Variants in VWF observed in about 807,000 individuals in gnomAD.
VWF encodes the protein Factor VIII related antigen.
VWF carries 176 observed loss-of-function variants against 308.6 expected under a neutral mutation model. That is an observed-to-expected ratio of 0.57 (90% CI 0.50 to 0.65). The LOEUF (loss-of-function observed/expected upper bound fraction) is 0.65. Ranked by LOEUF, VWF falls within the 30% of genes least tolerant of loss-of-function variation. The pLI is 0.00. For synonymous variants in VWF, 1,385 were observed against 1,443.4 expected, an observed-to-expected ratio of 0.96 and a Z score of 0.92; for missense variants, 3,146 against 3,648.2, an observed-to-expected ratio of 0.86 and a Z score of 3.55.
intron 5 of VWF, among the ~76,000 whole-genome samples, chr12:6,109,546 A>G (rs1945281397): frequency 6.6e-6 from 1 of 152,226 alleles, no homozygotes; most frequent in Non-Finnish European, 1.5e-5. Context: ...GTTGGGTCAT[A>G]AGGAAGAAAG....
chr12:6,074,708 C>G (rs998363176), intron 7 of VWF, among the ~76,000 whole-genome samples: 32 of 152,084 alleles, frequency 2.1e-4, no homozygotes, highest in Admixed American at 1.9e-3. Flanking sequence ...CTTTTAATCA[C>G]TGGAAGGGCT....
At chr12:6,123,281 C>G in intron 1 of VWF, 85 bp from the exon 2 acceptor site, 1 of 1,460,680 alleles carries the variant, frequency 6.8e-7, no homozygotes, top group South Asian at 1.1e-5. Context: ...CATGCAGTAG[C>G]AAAAACATTT....
intron 45 of VWF, 79 bp downstream of exon 45, chr12:5,969,132 A>C (rs1300326703): frequency 6.6e-7 from 1 of 1,522,822 alleles, no homozygotes; most frequent in East Asian, 2.4e-5. Context: ...AAAAAGGCAA[A>C]GAATTCAGGA....
chr12:6,008,714 A>C (rs1255126593), intron 34 of VWF, among the ~76,000 whole-genome samples: 1 of 152,230 alleles, frequency 6.6e-6, no homozygotes, highest in Non-Finnish European at 1.5e-5. Context: ...ATCAAAAAAG[A>C]AGTAAAATTA....
At chr12:6,109,357 G>C (rs1338635324) in intron 5 of VWF, among the ~76,000 whole-genome samples, 1 of 151,878 alleles carries the variant, frequency 6.6e-6, no homozygotes. Flanking sequence ...CATATATAGA[G>C]TGCAACTAAA....
intron 48 of VWF, among the ~76,000 whole-genome samples, chr12:5,952,728 A>G (rs564347394): frequency 6.6e-6 from 1 of 152,334 alleles, no homozygotes; most frequent in South Asian, 2.1e-4. Flanking sequence ...CAGGGCTGCT[A>G]TGTAGACTCT....
intron 3 of VWF, among the ~76,000 whole-genome samples, chr12:6,115,979 G>A (rs933751975): frequency 2.0e-5 from 3 of 152,166 alleles, no homozygotes; most frequent in African/African-American, 4.8e-5. Flanking sequence ...ACAGGGCATC[G>A]GAGTGTTCTA....
intron 34 of VWF, among the ~76,000 whole-genome samples, chr12:6,008,597 T>A (rs190325954): frequency 7.4e-4 from 112 of 152,314 alleles, no homozygotes; most frequent in African/African-American, 2.6e-3. Context: ...AAGCTTTTCC[T>A]CTAATCAGGA....
At chr12:6,096,158 C>T (rs1049525529) in intron 5 of VWF, among the ~76,000 whole-genome samples, 3 of 143,500 alleles carry the variant, frequency 2.1e-5, no homozygotes, top group Middle Eastern at 3.6e-3. Context: ...GATGGATGGA[C>T]GGTTACAATT....
chr12:6,049,586 T>G (rs1001119179), intron 16 of VWF, among the ~76,000 whole-genome samples: 2 of 152,240 alleles, frequency 1.3e-5, no homozygotes, highest in Non-Finnish European at 2.9e-5. Context: ...CTCACTGTAA[T>G]AAGGAGAGTT....
intron 41 of VWF, among the ~76,000 whole-genome samples, chr12:5,982,597 G>A (rs1401707701): frequency 6.6e-6 from 1 of 152,090 alleles, no homozygotes; most frequent in Admixed American, 6.5e-5. Flanking sequence ...CTAGGAAGTC[G>A]GGTGAGTGTC....
intron 40 of VWF, 53 bp from the exon 41 acceptor site, chr12:5,983,307 T>A: frequency 6.4e-7 from 1 of 1,555,670 alleles, no homozygotes; most frequent in East Asian, 2.3e-5. Flanking sequence ...GTTACTCTTT[T>A]ATTACCTGTG....
intron 37 of VWF, 60 bp from the exon 38 acceptor site, chr12:5,992,078 C>T (rs1943751926): frequency 1.3e-6 from 2 of 1,499,300 alleles, no homozygotes; most frequent in Non-Finnish European, 1.8e-6. Flanking sequence ...GAAATGGGCA[C>T]AGCTGATTCA....
chr12:6,023,548 C>T, intron 25 of VWF, 83 bp downstream of exon 25: 1 of 1,563,960 alleles, frequency 6.4e-7, no homozygotes, highest in Admixed American at 1.8e-5. Context: ...ATGAAGATAT[C>T]CCCCTGCACT....
intron 5 of VWF, among the ~76,000 whole-genome samples, chr12:6,104,698 G>GA (rs901967970): frequency 6.1e-4 from 87 of 142,154 alleles, no homozygotes; most frequent in East Asian, 1.4e-3. Flanking sequence ...CTCTGTCTCG[G>GA]AAAAAAAAAA....
At chr12:5,970,122 AC>A (rs896730997) in intron 44 of VWF, among the ~76,000 whole-genome samples, 3 of 150,798 alleles carry the variant, frequency 2.0e-5, no homozygotes, top group Non-Finnish European at 3.0e-5. Context: ...CATTCTCTTC[AC>A]CCCCCACTCC....
chr12:6,087,505 C>T (rs1944986068), intron 6 of VWF, among the ~76,000 whole-genome samples: 1 of 147,092 alleles, frequency 6.8e-6, no homozygotes, highest in African/African-American at 2.5e-5. Flanking sequence ...ACTACAGGCG[C>T]CCGCCACCAC....
At chr12:6,121,039 G>T in intron 3 of VWF, 135 bp downstream of exon 3, 1 of 1,243,542 alleles carries the variant, frequency 8.0e-7, no homozygotes. Context: ...TCACAGAAAG[G>T]CTGTTCCTCT....
In VWF at chr12:6,109,246, C is replaced by T. The variant is rs1038536947; in HGVS notation, c.532+1128G>A. 4.7e-5 allele frequency among the ~76,000 whole-genome samples: 7 copies of T among 149,988 alleles called. No individual in the cohort carries two copies. The East Asian group carries it at 5.8e-4, about 12-fold the overall frequency. On this transcript the variant is annotated intron_variant, in intron 5 of 51. Coordinates refer to ENST00000261405, the MANE Select transcript of VWF (RefSeq NM_000552.5). The stretch of plus-strand genomic sequence containing the variant: ...ACACACACAGAGACACACAGACACA[C>T]ACACACACGTGTATATATATACATA...
Sources: allele counts gnomAD v4.1 joint callset (sites outside exome capture counted in the v4.1 genomes callset), GRCh38; gene constraint gnomAD v4.1.1; transcripts MANE v1.5; gene names NCBI Gene and HGNC (gene_info 2026-07-23, HGNC 2026-07-21).